Variants in MTX2 observed in about 807,000 individuals in gnomAD.
MTX2 encodes the protein metaxin-2.
Under a neutral mutation model 42.3 loss-of-function variants are expected in MTX2, and 35 were observed. The ratio of observed to expected loss-of-function variants is 0.83; its 90% confidence interval spans 0.63 to 1.10. The LOEUF (loss-of-function observed/expected upper bound fraction) is 1.10, where lower values mean the gene tolerates loss of function less well. MTX2 is among the 50% of genes least tolerant of loss of function. MTX2 has a pLI of 0.00. For synonymous variants in MTX2, 119 were observed against 100.9 expected (o/e 1.18, Z -1.08); for missense variants, 307 against 304.1 (o/e 1.01, Z -0.07).
chr2:176,289,369 A>G (rs114386200), intron 1 of MTX2, among the ~76,000 whole-genome samples: 1,601 of 151,962 alleles, frequency 0.011, 29 homozygotes, highest in African/African-American at 0.037. Flanking sequence ...CATAAAAAAA[A>G]CTCTCCCACT....
intron 3 of MTX2, among the ~76,000 whole-genome samples, chr2:176,305,983 A>G (rs1684133381): frequency 6.6e-6 from 1 of 152,124 alleles, no homozygotes; most frequent in Admixed American, 6.6e-5. Context: ...ATACATAGGT[A>G]CACATGTGCC....
At chr2:176,275,396 G>T (rs1692923992) in intron 1 of MTX2, among the ~76,000 whole-genome samples, 1 of 151,844 alleles carries the variant, frequency 6.6e-6, no homozygotes, top group Non-Finnish European at 1.5e-5. Flanking sequence ...CTGCCCCCAT[G>T]CCCAGCTAAT....
rs757437939 is a variant in MTX2 at position 176,269,676 on chromosome 2, C to T, written c.40+7C>T. 4.4e-6 allele frequency: 7 copies of T among 1,592,966 alleles called. No homozygotes were observed. The South Asian group carries it at 6.8e-5, about 15-fold the overall frequency. On this transcript the variant is annotated splice_region_variant and intron_variant, in intron 1 of 9. Coordinates refer to ENST00000249442, the MANE Select transcript of MTX2 (RefSeq NM_006554.5). ...TTCGTCTCCCAGATTGCAGGTAGCG[C>T]GGCTGGCCGCAGACCCAGAAGGTGG...
intron 3 of MTX2, among the ~76,000 whole-genome samples, chr2:176,316,887 T>G (rs1045470827): frequency 2.0e-5 from 3 of 152,144 alleles, no homozygotes; most frequent in African/African-American, 7.2e-5. Context: ...TATTATGTAT[T>G]TATAGCAATA....
intron 1 of MTX2, among the ~76,000 whole-genome samples, chr2:176,282,894 G>C (rs930388970): frequency 6.6e-6 from 1 of 151,968 alleles, no homozygotes; most frequent in Non-Finnish European, 1.5e-5. Flanking sequence ...GATAGAGACA[G>C]GGTTTCACCA....
At chr2:176,277,896 T>C (rs1438473649) in intron 1 of MTX2, among the ~76,000 whole-genome samples, 1 of 151,948 alleles carries the variant, frequency 6.6e-6, no homozygotes, top group Non-Finnish European at 1.5e-5. Flanking sequence ...ACCTTGAAGA[T>C]ACGAAGCTGA....
At chr2:176,273,836 GGCTTC>G (rs1427649374) in intron 1 of MTX2, among the ~76,000 whole-genome samples, 10 of 151,704 alleles carry the variant, frequency 6.6e-5, no homozygotes, top group Admixed American at 3.3e-4. Flanking sequence ...CTTCCAGTCT[GGCTTC>G]CTTCCAGTAG....
At chr2:176,304,570 A>C (rs1054251077) in intron 3 of MTX2, among the ~76,000 whole-genome samples, 1 of 151,988 alleles carries the variant, frequency 6.6e-6, no homozygotes, top group African/African-American at 2.4e-5. Context: ...TATAAAAATG[A>C]ATTATTTTAT....
chr2:176,326,924 A>T, intron 5 of MTX2, 23 bp downstream of exon 5: 1 of 1,345,748 alleles, frequency 7.4e-7, no homozygotes, highest in East Asian at 2.4e-5. Context: ...TATTAAATGT[A>T]TTTGATCAGT....
rs1368807606 is a variant in MTX2 at position 176,269,603 on chromosome 2, A to G, written c.-27A>G. ...ACGCTGAGGCCCGTGGGGGGCAGGCACCCGGGCGCCGGGCCTCCCAGCCGA... is the reference window on the plus strand; with the variant it reads ...ACGCTGAGGCCCGTGGGGGGCAGGCGCCCGGGCGCCGGGCCTCCCAGCCGA... On this transcript the variant is annotated 5_prime_UTR_variant, in exon 1 of 10. Transcript: ENST00000249442. 1.3e-6 allele frequency: 2 copies of G among 1,567,384 alleles called. No individual in the cohort carries two copies. Among genetic ancestry groups the G allele is most frequent in the Non-Finnish European group, 1.7e-6 (2 of 1,161,620 alleles).
intron 1 of MTX2, among the ~76,000 whole-genome samples, chr2:176,271,898 T>C (rs191948618): frequency 6.6e-6 from 1 of 152,318 alleles, no homozygotes; most frequent in Admixed American, 6.5e-5. Context: ...ATTCCACTTC[T>C]GGGCATGTAT....
At chr2:176,300,063 G>A (rs963775376) in intron 3 of MTX2, among the ~76,000 whole-genome samples, 1 of 151,732 alleles carries the variant, frequency 6.6e-6, no homozygotes, top group South Asian at 2.1e-4. Context: ...TGAAGTATTA[G>A]TATAGCATGT....
intron 1 of MTX2, among the ~76,000 whole-genome samples, chr2:176,274,199 A>G (rs1345279586): frequency 6.6e-6 from 1 of 152,174 alleles, no homozygotes; most frequent in Non-Finnish European, 1.5e-5. Flanking sequence ...CAATCCAGAG[A>G]TAAAGTAAAA....
At chr2:176,335,675 A>G (rs1684969730) in intron 9 of MTX2, among the ~76,000 whole-genome samples, 1 of 152,098 alleles carries the variant, frequency 6.6e-6, no homozygotes, top group Non-Finnish European at 1.5e-5. Context: ...ACTCAAGAGT[A>G]GCCCCTAAAT....
rs1264274307 is a variant in MTX2 at position 176,329,421 on chromosome 2, G to C, written c.538G>C (p.Asp180His). The C allele has an allele frequency of 3.1e-6, 5 of 1,605,412 alleles. No homozygotes were observed. The highest frequency in any genetic ancestry group is 2.7e-5 in the African/African-American group (2 of 74,382). Residue 180 changes from aspartate (D) to histidine (H), a missense_variant, in exon 8 of 10, where the codon GAC (aspartate) becomes CAC (histidine). By Grantham distance (81) the Asp-to-His change is moderately conservative. Coordinates refer to ENST00000249442, the MANE Select transcript of MTX2 (RefSeq NM_006554.5). ...TATTGGATGGGGAAAGAAGACTCTGGACCAGGTCAGTTCAGGTTGAAGTTG... is the reference window on the plus strand; with the variant it reads ...TATTGGATGGGGAAAGAAGACTCTGCACCAGGTCAGTTCAGGTTGAAGTTG... Reference protein sequence around the residue: ...KAIGWGKKTLDQVLEDVDQCC... With the variant: ...KAIGWGKKTLHQVLEDVDQCC...
Position 176,337,398 on chromosome 2 carries a change from C to T in MTX2, c.621-95C>T, listed in dbSNP as rs547574046. 113 of 1,071,636 alleles carry T rather than the reference C, an allele frequency of 1.1e-4. No homozygotes were observed. The Admixed American group carries it at 1.8e-3, about 17-fold the overall frequency. 66.4% of individuals were successfully genotyped at this position (1,071,636 alleles called of 1,614,324 possible). The stretch of plus-strand genomic sequence containing the variant: ...TTGGATCTGAGGTTAGTTGAACCTA[C>T]GAGTATGGGACCTGTGGGTGAAGAG... On this transcript the variant is annotated intron_variant, in intron 9 of 9. Coordinates refer to ENST00000249442, the MANE Select transcript of MTX2 (RefSeq NM_006554.5).
At chr2:176,330,704 G>A in intron 9 of MTX2, 44 bp downstream of exon 9, 1 of 1,327,022 alleles carries the variant, frequency 7.5e-7, no homozygotes, top group Middle Eastern at 2.5e-4. Context: ...TGTACTGTTA[G>A]GTTGCAAATT....
At chr2:176,284,184 A>G (rs1035014594) in intron 1 of MTX2, among the ~76,000 whole-genome samples, 3 of 150,654 alleles carry the variant, frequency 2.0e-5, no homozygotes, top group Non-Finnish European at 3.0e-5. Flanking sequence ...GGCTCAAGGG[A>G]TCCTTCTGCT....
At chr2:176,321,750 T>C (rs1371338826) in intron 3 of MTX2, among the ~76,000 whole-genome samples, 1 of 152,128 alleles carries the variant, frequency 6.6e-6, no homozygotes, top group African/African-American at 2.4e-5. Context: ...CCATACCCAG[T>C]TGTAAGGGAG....
Sources: allele counts gnomAD v4.1 joint callset (sites outside exome capture counted in the v4.1 genomes callset), GRCh38; gene constraint gnomAD v4.1.1; transcripts MANE v1.5; gene names NCBI Gene and HGNC (gene_info 2026-07-23, HGNC 2026-07-21).